Variants in PP2D1 observed in about 807,000 individuals in gnomAD.
PP2D1 encodes protein phosphatase 2C-like domain-containing protein 1.
Under a neutral mutation model 30.2 loss-of-function variants are expected in PP2D1, and 25 were observed. The observed-to-expected ratio is 0.83, with a 90% CI of 0.60 to 1.16. The LOEUF (loss-of-function observed/expected upper bound fraction) is 1.16, where lower values mean the gene tolerates loss of function less well. Among genes scored for constraint, PP2D1 ranks in the 50% most tolerant of loss-of-function variants. The pLI is 0.00. For synonymous variants in PP2D1, 260 were observed against 258.9 expected, an observed-to-expected ratio of 1.00 and a Z score of -0.04; for missense variants, 760 against 742.4, an observed-to-expected ratio of 1.02 and a Z score of -0.28.
At chr3:20,004,663 A>C (rs1697296476) in intron 1 of PP2D1, among the ~76,000 whole-genome samples, 1 of 152,242 alleles carries the variant, frequency 6.6e-6, no homozygotes, top group African/African-American at 2.4e-5. Context: ...CCTTCCTATC[A>C]GAAACATCTA....
chr3:19,989,946 TTTTA>T (rs1697095423), intron 2 of PP2D1, among the ~76,000 whole-genome samples: 3 of 152,160 alleles, frequency 2.0e-5, no homozygotes. Context: ...AACAGGTTAT[TTTTA>T]TTTTAGTTAC....
chr3:20,010,038 C>T (rs1697366582), intron 1 of PP2D1, among the ~76,000 whole-genome samples: 2 of 152,022 alleles, frequency 1.3e-5, no homozygotes, highest in African/African-American at 4.8e-5. Context: ...TCACTAGCTT[C>T]GACTGTCATC....
chr3:20,007,403 C>A (rs906408450), intron 1 of PP2D1, among the ~76,000 whole-genome samples: 21 of 151,992 alleles, frequency 1.4e-4, no homozygotes, highest in African/African-American at 4.8e-4. Flanking sequence ...AAAATGTAGA[C>A]TTAGGATTTT....
intron 3 of PP2D1, among the ~76,000 whole-genome samples, chr3:19,980,338 T>C (rs754049978): frequency 3.9e-5 from 6 of 152,224 alleles, no homozygotes; most frequent in Non-Finnish European, 2.9e-5. Context: ...AGCCTACATA[T>C]TTTAGTTTTT....
downstream of PP2D1, chr3:19,983,863 T>G (rs1280490101): frequency 7.5e-7 from 1 of 1,326,494 alleles, no homozygotes; most frequent in East Asian, 2.5e-5. Flanking sequence ...TTCTGCTTCC[T>G]AAATGTTAAT....
rs1007223267 is a variant in PP2D1, at chr3:20,001,487, G to A, written c.633C>T (p.His211=). The change falls in exon 2 of 3, where the codon CAC becomes CAT. Residue 211 remains histidine (H), a synonymous_variant. Transcript: ENST00000389050. ...VCFFGLFDGH[H]GASAAELTSM... ...ATGTCAACTCTGCCGCTGAGGCACC[G>A]TGATGTCCATCAAACAAACCAAAAA... 1.6e-5 allele frequency: 25 copies of A among 1,536,072 alleles called. No homozygotes were observed. The highest frequency in any genetic ancestry group is 2.4e-5 in the East Asian group (1 of 40,926).
intron 1 of PP2D1, chr3:20,008,109 C>T (rs1224552150): frequency 1.3e-5 from 2 of 158,078 alleles, no homozygotes; most frequent in Non-Finnish European, 1.5e-5. Flanking sequence ...GCACGCTGGA[C>T]GGTATGTTTC....
downstream of PP2D1, among the ~76,000 whole-genome samples, chr3:19,982,538 A>AG (rs991408234): frequency 1.3e-5 from 2 of 152,128 alleles, no homozygotes; most frequent in African/African-American, 4.8e-5. Context: ...TTACTCTGCA[A>AG]GGTGTAAGTT....
At chr3:19,998,953 C>T (rs1425238018) in intron 2 of PP2D1, among the ~76,000 whole-genome samples, 1 of 152,112 alleles carries the variant, frequency 6.6e-6, no homozygotes, top group Non-Finnish European at 1.5e-5. Context: ...TTTTTTCACC[C>T]ATGTGTCTTT....
intron 2 of PP2D1, 42 bp from the exon 3 acceptor site, chr3:19,986,224 G>A: frequency 7.5e-7 from 1 of 1,337,230 alleles, no homozygotes; most frequent in Non-Finnish European, 9.9e-7. Context: ...TTATCCTAGA[G>A]ATAACCAATT....
intron 1 of PP2D1, among the ~76,000 whole-genome samples, chr3:20,002,838 G>A (rs1266946231): frequency 2.6e-5 from 4 of 151,912 alleles, no homozygotes; most frequent in East Asian, 1.9e-4. Context: ...GGCTGATCAC[G>A]GGGTCAGGAG....
intron 2 of PP2D1, among the ~76,000 whole-genome samples, chr3:19,992,615 G>A (rs1424144028): frequency 3.3e-5 from 5 of 150,686 alleles, no homozygotes; most frequent in Non-Finnish European, 7.4e-5. Context: ...AAGACAGAAA[G>A]GTCCACATAA....
chr3:19,982,527 G>T (rs1383672059), downstream of PP2D1, among the ~76,000 whole-genome samples: 1 of 152,130 alleles, frequency 6.6e-6, no homozygotes, highest in East Asian at 1.9e-4. Flanking sequence ...GCAGCTGATG[G>T]TTACTCTGCA....
downstream of PP2D1, chr3:19,984,125 A>G: frequency 2.4e-6 from 1 of 410,824 alleles, no homozygotes; most frequent in South Asian, 1.9e-5. Flanking sequence ...GTCTGGGCCC[A>G]CACAGTTAAC....
chr3:19,998,578 AATT>A (rs1559498461), intron 2 of PP2D1, among the ~76,000 whole-genome samples: 1 of 152,168 alleles, frequency 6.6e-6, no homozygotes, highest in Non-Finnish European at 1.5e-5. Context: ...GAATATTTAT[AATT>A]ATTATGTATC....
At position 20,001,476 on chromosome 3, in the gene PP2D1, G is replaced by A. The variant is rs567551896; in HGVS notation, c.644C>T (p.Ala215Val). 9.5e-5 allele frequency: 146 copies of A among 1,536,334 alleles called. No homozygotes were observed. The highest frequency in any genetic ancestry group is 2.4e-4 in the Admixed American group (12 of 50,996). Reference sequence around the variant, plus strand: ...GAGTTCCATTGATGTCAACTCTGCCGCTGAGGCACCGTGATGTCCATCAAA... The same window carrying A: ...GAGTTCCATTGATGTCAACTCTGCCACTGAGGCACCGTGATGTCCATCAAA... ...GLFDGHHGAS[A>V]AELTSMELPV... Residue 215 changes from alanine (A) to valine (V), a missense_variant, in exon 2 of 3, where the codon GCG (alanine) becomes GTG (valine). Around this residue, in one of 3 missense-constraint regions of PP2D1, gnomAD observed 374 missense variants for 388.8 expected, o/e 0.96. Transcript: ENST00000389050.
At chr3:20,000,941 G>C in intron 2 of PP2D1, 89 bp downstream of exon 2, 1 of 638,966 alleles carries the variant, frequency 1.6e-6, no homozygotes, top group Middle Eastern at 2.7e-4. Context: ...CTAAATAATA[G>C]ACAATAAAAA....
chr3:19,983,666 T>C (rs1300288614), downstream of PP2D1: 2 of 1,275,108 alleles, frequency 1.6e-6, no homozygotes, highest in Admixed American at 1.9e-5. Context: ...GATATTAATA[T>C]GAGTATTCAA....
rs1697016687 is a variant in PP2D1 at position 19,985,554 on chromosome 3, A to G, written c.1719T>C (p.Ser573=). 2.6e-6 allele frequency: 4 copies of G among 1,536,038 alleles called. No individual in the cohort carries two copies. The highest frequency in any genetic ancestry group is 2.4e-5 in the East Asian group (1 of 40,910). The change falls in exon 3 of 3, where the codon AGT becomes AGC. Residue 573 remains serine (S), a synonymous_variant. Transcript: ENST00000389050. ...TTTCATTTGTTGCCACATCATTTAC[A>G]CTAGTTGGTCTGTCAGTTACTTTTT... The part of the protein sequence containing the change: ...CSEKVTDRPT[S]VNDVATNEKE...
Sources: gnomAD v4.1 joint callset for allele counts (sites outside exome capture counted in the v4.1 genomes callset) on GRCh38, gnomAD v4.1.1 for gene constraint, gnomAD v4.1.1 regional missense constraint, MANE v1.5 for transcripts, NCBI Gene and HGNC (gene_info 2026-07-23, HGNC 2026-07-21) for gene names.